The following NRXN3 variants were observed in gnomAD, a reference collection of about 807,000 sequenced individuals.
The protein encoded by NRXN3 is neurexin III.
Under a neutral mutation model 137.6 loss-of-function variants are expected in NRXN3, and 32 were observed. That is an observed-to-expected ratio of 0.23 (90% confidence interval 0.18 to 0.31). NRXN3 has a LOEUF of 0.31. Ranked by LOEUF, NRXN3 falls within the 10% of genes least tolerant of loss-of-function variation. The pLI is 1.00. For missense variants in NRXN3, 1,574 were observed against 2,062.5 expected (o/e 0.76, Z 4.59); for synonymous variants, 798 against 784.5 (o/e 1.02, Z -0.29).
At chr14:79,060,521 A>G (rs183214340) in intron 15 of NRXN3, among the ~76,000 whole-genome samples, 60 of 152,276 alleles carry the variant, frequency 3.9e-4, no homozygotes, top group Middle Eastern at 3.4e-3. Flanking sequence ...CTGACTATGT[A>G]TGTGTAGTTC....
chr14:78,519,457 A>G (rs901279260), intron 4 of NRXN3, among the ~76,000 whole-genome samples: 1 of 152,170 alleles, frequency 6.6e-6, no homozygotes, highest in Non-Finnish European at 1.5e-5. Context: ...ATTTTATTGA[A>G]ATGATTCCTC....
chr14:79,607,632 A>G (rs1277233218), intron 16 of NRXN3, among the ~76,000 whole-genome samples: 1 of 152,168 alleles, frequency 6.6e-6, no homozygotes, highest in African/African-American at 2.4e-5. Context: ...GACCAAAGAG[A>G]AAATAGCCGT....
chr14:78,943,126 A>G (rs1369672806), intron 10 of NRXN3, among the ~76,000 whole-genome samples: 1 of 151,882 alleles, frequency 6.6e-6, no homozygotes, highest in Non-Finnish European at 1.5e-5. Flanking sequence ...AGGAAATGAG[A>G]GGCTGGAACT....
At chr14:78,881,615 C>A (rs1166040194) in intron 10 of NRXN3, among the ~76,000 whole-genome samples, 3 of 151,522 alleles carry the variant, frequency 2.0e-5, no homozygotes, top group Non-Finnish European at 2.9e-5. Flanking sequence ...GAAGAAATTT[C>A]TAAGCAGCAA....
At chr14:79,302,318 T>C (rs982775424) in intron 15 of NRXN3, among the ~76,000 whole-genome samples, 2 of 151,758 alleles carry the variant, frequency 1.3e-5, no homozygotes, top group East Asian at 3.9e-4. Flanking sequence ...GAAAAAGAGG[T>C]TTATTGGGCT....
At chr14:78,667,578 A>G (rs1196204596) in intron 6 of NRXN3, among the ~76,000 whole-genome samples, 2 of 152,234 alleles carry the variant, frequency 1.3e-5, no homozygotes, top group Non-Finnish European at 2.9e-5. Context: ...GACTGACTGT[A>G]AGAAAGTTGC....
intron 10 of NRXN3, among the ~76,000 whole-genome samples, chr14:78,891,430 A>G (rs1030397182): frequency 5.9e-5 from 9 of 151,902 alleles, no homozygotes; most frequent in Non-Finnish European, 1.2e-4. Context: ...TGGGTGGTAT[A>G]CTGGAGACTT....
chr14:79,086,280 C>T (rs1245333643), intron 15 of NRXN3, among the ~76,000 whole-genome samples: 1 of 152,074 alleles, frequency 6.6e-6, no homozygotes, highest in African/African-American at 2.4e-5. Flanking sequence ...TTTCTCAAGG[C>T]CGTGTATCTG....
At chr14:78,678,891 C>G (rs1468754396) in intron 6 of NRXN3, among the ~76,000 whole-genome samples, 1 of 152,136 alleles carries the variant, frequency 6.6e-6, no homozygotes, top group African/African-American at 2.4e-5. Flanking sequence ...TTTATTAGCA[C>G]CAAGTTGCTG....
chr14:78,639,887 G>A lies in NRXN3; in HGVS notation c.758-5233G>A, dbSNP rs182990076. 4.4e-4 allele frequency among the ~76,000 whole-genome samples: 67 copies of A among 152,302 alleles called. 1 individual carries two copies. The East Asian group carries it at 0.012, about 27-fold the overall frequency. ...AAAATGACCTCACAGAACATTGAGA[G>A]GATACAAATAATGATTAAGAAGGCA... On this transcript the variant is annotated intron_variant, in intron 4 of 20. Coordinates refer to ENST00000335750, the MANE Select transcript of NRXN3 (RefSeq NM_001330195.2).
chr14:79,257,349 GT>G (rs2076719141), intron 15 of NRXN3, among the ~76,000 whole-genome samples: 1 of 70,840 alleles, frequency 1.4e-5, no homozygotes, highest in Non-Finnish European at 2.9e-5. Flanking sequence ...ATTCCTGGTG[GT>G]GGTGGTGGTG....
chr14:78,468,110 G>C lies in NRXN3; in HGVS notation c.757+170250G>C, dbSNP rs12588464. 5.9e-5 allele frequency among the ~76,000 whole-genome samples: 9 copies of C among 152,184 alleles called. No individual in the cohort carries two copies. The East Asian group carries it at 1.7e-3, about 29-fold the overall frequency. ...GGCTAATTTTTGTATTTTTAGTAGAGGTGGGATTTCACCAAGTTGGGTCTT... is the reference window on the plus strand; with the variant it reads ...GGCTAATTTTTGTATTTTTAGTAGACGTGGGATTTCACCAAGTTGGGTCTT... On this transcript the variant is annotated intron_variant, in intron 4 of 20. Transcript: ENST00000335750.
At chr14:79,843,314 AT>A (rs1435005092) in intron 20 of NRXN3, among the ~76,000 whole-genome samples, 2 of 152,232 alleles carry the variant, frequency 1.3e-5, no homozygotes, top group Non-Finnish European at 2.9e-5. Flanking sequence ...TTTTAAAAAA[AT>A]ACTTTGATAA....
In NRXN3 at chr14:78,459,395, G is replaced by T. The variant is rs539833437; in HGVS notation, c.757+161535G>T. Reference sequence around the variant, plus strand: ...TTCAGTGTATGAGGTGCCCAGAAAAGAGATGTTGGTTGAATGCAAAGCTGG... The same window carrying T: ...TTCAGTGTATGAGGTGCCCAGAAAATAGATGTTGGTTGAATGCAAAGCTGG... On this transcript the variant is annotated intron_variant, in intron 4 of 20. Transcript: ENST00000335750. Among the ~76,000 whole-genome samples the T allele has an allele frequency of 9.7e-4, 148 of 152,322 alleles. 1 individual carries two copies. The highest frequency in any genetic ancestry group is 8.7e-3 in the South Asian group (42 of 4,818).
chr14:78,194,883 A>T (rs1441951269), intron 1 of NRXN3, among the ~76,000 whole-genome samples: 1 of 152,164 alleles, frequency 6.6e-6, no homozygotes, highest in Non-Finnish European at 1.5e-5. Flanking sequence ...ACTGGTTTGA[A>T]TGCCATTTGT....
intron 8 of NRXN3, among the ~76,000 whole-genome samples, chr14:78,736,565 G>A (rs891637057): frequency 1.3e-5 from 2 of 151,966 alleles, no homozygotes; most frequent in African/African-American, 4.8e-5. Context: ...TGATGAGGTG[G>A]GTAATATTAA....
chr14:78,793,076 T>C (rs1309942015), intron 8 of NRXN3, among the ~76,000 whole-genome samples: 1 of 152,192 alleles, frequency 6.6e-6, no homozygotes, highest in Non-Finnish European at 1.5e-5. Flanking sequence ...CATGATGTGC[T>C]TATTTCACAT....
At chr14:78,375,205 G>C (rs940210492) in intron 4 of NRXN3, among the ~76,000 whole-genome samples, 2 of 152,104 alleles carry the variant, frequency 1.3e-5, no homozygotes, top group African/African-American at 4.8e-5. Context: ...TCACTCTTTC[G>C]CTGTTAAAGT....
At chr14:79,533,062 C>T (rs1204687474) in intron 16 of NRXN3, among the ~76,000 whole-genome samples, 3 of 126,498 alleles carry the variant, frequency 2.4e-5, no homozygotes, top group East Asian at 4.7e-4. Context: ...TTACCTGCAT[C>T]ACAAAAAAAC....
Sources: gnomAD v4.1 joint callset for allele counts (sites outside exome capture counted in the v4.1 genomes callset) on GRCh38, gnomAD v4.1.1 for gene constraint, MANE v1.5 for transcripts, NCBI Gene and HGNC (gene_info 2026-07-23, HGNC 2026-07-21) for gene names.